Variants in COMMD10 observed in about 807,000 individuals in gnomAD.
COMMD10 encodes the protein COMM domain-containing protein 10.
COMMD10 carries 33 observed loss-of-function variants against 28.9 expected under a neutral mutation model. The observed-to-expected ratio is 1.14, with a 90% CI of 0.87 to 1.53. The LOEUF is 1.53. Ranked by LOEUF, COMMD10 falls within the 40% of genes most tolerant of loss-of-function variation. COMMD10 has a pLI of 0.00. For missense variants in COMMD10, 310 were observed against 233.4 expected (o/e 1.33, Z -2.14); for synonymous variants, 110 against 81.7 (o/e 1.35, Z -1.87).
At chr5:116,204,040 A>C (rs1177212136) in intron 5 of COMMD10, among the ~76,000 whole-genome samples, 2 of 152,178 alleles carry the variant, frequency 1.3e-5, no homozygotes, top group African/African-American at 4.8e-5. Flanking sequence ...AAAAGGATGG[A>C]GGAAGATCTC....
chr5:116,131,409 A>G lies in COMMD10; in HGVS notation c.400-2659A>G, dbSNP rs575248657. 6.0e-5 allele frequency among the ~76,000 whole-genome samples: 9 copies of G among 150,766 alleles called. No individual in the cohort carries two copies. In the South Asian group the frequency reaches 1.0e-3, roughly 17 times the overall value. ...TATGTGTGTGTGTGTGTATGTGTGT[A>G]TGTATGTATGTATGTATGTATGTGT... On this transcript the variant is annotated intron_variant, in intron 4 of 6. Coordinates refer to ENST00000274458, the MANE Select transcript of COMMD10 (RefSeq NM_016144.4).
intron 1 of COMMD10, chr5:116,085,412 T>C (rs192983260): frequency 3.7e-4 from 145 of 389,108 alleles, no homozygotes; most frequent in Non-Finnish European, 5.8e-4. Flanking sequence ...TCCCGGGTGC[T>C]GCCTTCAGTG....
At chr5:116,140,465 G>A (rs1337020551) in intron 5 of COMMD10, among the ~76,000 whole-genome samples, 1 of 151,664 alleles carries the variant, frequency 6.6e-6, no homozygotes, top group East Asian at 1.9e-4. Context: ...GAGATTCCTG[G>A]TAGTTCTAAT....
At chr5:116,165,420 C>T (rs1205946165) in intron 5 of COMMD10, among the ~76,000 whole-genome samples, 3 of 152,174 alleles carry the variant, frequency 2.0e-5, no homozygotes. Context: ...TCTGCTAGGG[C>T]TGCCAAAACA....
At chr5:116,256,381 A>G (rs962928190) in intron 5 of COMMD10, among the ~76,000 whole-genome samples, 14 of 151,860 alleles carry the variant, frequency 9.2e-5, no homozygotes, top group Admixed American at 8.5e-4. Flanking sequence ...ATAGTGAAGT[A>G]TAATTTAGAT....
At chr5:116,130,329 T>C (rs11241364) in intron 4 of COMMD10, among the ~76,000 whole-genome samples, 76,235 of 151,688 alleles carry the variant, frequency 0.5, 21,748 homozygotes, top group Non-Finnish European at 0.65. Flanking sequence ...CTATATGTTA[T>C]GATAGATGGC....
intron 5 of COMMD10, among the ~76,000 whole-genome samples, chr5:116,242,811 A>G (rs1749846087): frequency 6.6e-6 from 1 of 152,164 alleles, no homozygotes; most frequent in Non-Finnish European, 1.5e-5. Flanking sequence ...CTTCACTAGA[A>G]TGAAGGGGTA....
At chr5:116,096,010 C>G (rs1258733152) in intron 4 of COMMD10, among the ~76,000 whole-genome samples, 1 of 152,034 alleles carries the variant, frequency 6.6e-6, no homozygotes, top group Non-Finnish European at 1.5e-5. Context: ...ATTATTATAG[C>G]TTAATAGTAA....
At chr5:116,122,571 C>T (rs1359704426) in intron 4 of COMMD10, among the ~76,000 whole-genome samples, 9 of 152,284 alleles carry the variant, frequency 5.9e-5, no homozygotes, top group African/African-American at 1.9e-4. Flanking sequence ...TTACCTTGGG[C>T]AGTATGGCCA....
intron 5 of COMMD10, among the ~76,000 whole-genome samples, chr5:116,169,034 A>T (rs1753228309): frequency 6.6e-6 from 1 of 152,028 alleles, no homozygotes; most frequent in Non-Finnish European, 1.5e-5. Context: ...AAATAAATTC[A>T]TTCAAAAAAA....
intron 5 of COMMD10, among the ~76,000 whole-genome samples, chr5:116,177,453 T>C (rs1753552632): frequency 6.6e-6 from 1 of 152,068 alleles, no homozygotes; most frequent in Non-Finnish European, 1.5e-5. Flanking sequence ...AGAATCTTCC[T>C]CTTCCAACCT....
At chr5:116,151,107 T>G (rs1752512963) in intron 5 of COMMD10, among the ~76,000 whole-genome samples, 1 of 152,012 alleles carries the variant, frequency 6.6e-6, no homozygotes, top group African/African-American at 2.4e-5. Context: ...TCTGCATCTA[T>G]TGAGATAATC....
At chr5:116,225,347 T>C (rs1314905721) in intron 5 of COMMD10, among the ~76,000 whole-genome samples, 1 of 127,824 alleles carries the variant, frequency 7.8e-6, no homozygotes, top group East Asian at 2.5e-4. Context: ...TGTTTGTTTT[T>C]TTGGGGATTT....
chr5:116,234,796 CAG>C (rs1361876427), intron 5 of COMMD10, among the ~76,000 whole-genome samples: 2 of 152,136 alleles, frequency 1.3e-5, no homozygotes, highest in African/African-American at 4.8e-5. Flanking sequence ...AAAAGGTTCT[CAG>C]AGTCTGTTTT....
intron 5 of COMMD10, among the ~76,000 whole-genome samples, chr5:116,208,878 G>A (rs1227270086): frequency 6.6e-6 from 1 of 152,172 alleles, no homozygotes; most frequent in Non-Finnish European, 1.5e-5. Flanking sequence ...TTACTGCTGT[G>A]TATTTATGGG....
intron 5 of COMMD10, among the ~76,000 whole-genome samples, chr5:116,286,615 T>A (rs2112713982): frequency 6.6e-6 from 1 of 151,886 alleles, no homozygotes; most frequent in South Asian, 2.1e-4. Context: ...TATTACTTAT[T>A]TGGCCCATTG....
At chr5:116,182,835 A>G (rs1278988089) in intron 5 of COMMD10, among the ~76,000 whole-genome samples, 1 of 152,078 alleles carries the variant, frequency 6.6e-6, no homozygotes, top group African/African-American at 2.4e-5. Flanking sequence ...GGCAGGACCA[A>G]GTAGATGTAA....
At chr5:116,246,375 G>T (rs940870417) in intron 5 of COMMD10, among the ~76,000 whole-genome samples, 3 of 151,606 alleles carry the variant, frequency 2.0e-5, no homozygotes, top group Non-Finnish European at 4.4e-5. Context: ...TGAACAAGAA[G>T]AATCAATGTC....
chr5:116,136,531 C>T lies in COMMD10; in HGVS notation c.510+2353C>T, dbSNP rs767669481. Among the ~76,000 whole-genome samples, 6 of 152,194 alleles carry T rather than the reference C, an allele frequency of 3.9e-5. No homozygotes were observed. The South Asian group carries it at 6.2e-4, about 16-fold the overall frequency. ...TTCAGCAATGCTTGTCTTTGGGATTCTCAAGTCCTTCTAGCTTCTTTGTTA... is the reference window on the plus strand; with the variant it reads ...TTCAGCAATGCTTGTCTTTGGGATTTTCAAGTCCTTCTAGCTTCTTTGTTA... On this transcript the variant is annotated intron_variant, in intron 5 of 6. Transcript: ENST00000274458.
Sources: gnomAD v4.1 joint callset for allele counts (sites outside exome capture counted in the v4.1 genomes callset) on GRCh38, gnomAD v4.1.1 for gene constraint, MANE v1.5 for transcripts, NCBI Gene and HGNC (gene_info 2026-07-23, HGNC 2026-07-21) for gene names.